ROBO2: variants seen among roughly 807,000 people sequenced by gnomAD.
ROBO2 encodes roundabout homolog 2.
ROBO2 carries 53 observed loss-of-function variants against 160.8 expected under a neutral mutation model. The ratio of observed to expected loss-of-function variants is 0.33; its 90% CI spans 0.26 to 0.41. The LOEUF is 0.41. Among genes scored for constraint, ROBO2 ranks in the 10% least tolerant of loss-of-function variants. The probability of loss-of-function intolerance (pLI) is 1.00; values close to 1 mark genes in which losing one functional copy is unlikely to be tolerated. For missense variants in ROBO2, 1,577 were observed against 1,722.4 expected (o/e 0.92, Z 1.49); for synonymous variants, 664 against 611.7 (o/e 1.09, Z -1.26).
intron 1 of ROBO2, among the ~76,000 whole-genome samples, chr3:77,070,215 C>T (rs73843468): frequency 0.014 from 2,068 of 152,212 alleles, 41 homozygotes; most frequent in African/African-American, 0.045. Flanking sequence ...ATTTGGACTT[C>T]GTAGCCTCCA....
intron 2 of ROBO2, among the ~76,000 whole-genome samples, chr3:76,247,752 A>C (rs529524571): frequency 4.9e-4 from 75 of 152,174 alleles, no homozygotes; most frequent in Non-Finnish European, 6.0e-4. Context: ...TCATCTGACA[A>C]AGGGCTAATA....
chr3:77,247,891 G>A (rs2089913541), intron 2 of ROBO2, among the ~76,000 whole-genome samples: 1 of 152,142 alleles, frequency 6.6e-6, no homozygotes, highest in African/African-American at 2.4e-5. Context: ...AAGACAGTGG[G>A]TCTCTGGCGA....
chr3:76,437,698 C>A (rs982654178), intron 2 of ROBO2, among the ~76,000 whole-genome samples: 5 of 152,098 alleles, frequency 3.3e-5, no homozygotes, highest in South Asian at 4.2e-4. Context: ...ATGTTTTTCA[C>A]TTTTGTTTAT....
intron 2 of ROBO2, among the ~76,000 whole-genome samples, chr3:76,177,400 G>C (rs1447835417): frequency 6.6e-6 from 1 of 152,144 alleles, no homozygotes; most frequent in African/African-American, 2.4e-5. Context: ...TCACTTGAAA[G>C]AATTCAATTC....
At chr3:76,360,060 T>C (rs1333661722) in intron 2 of ROBO2, among the ~76,000 whole-genome samples, 3 of 152,068 alleles carry the variant, frequency 2.0e-5, no homozygotes. Flanking sequence ...AGCGTAGTTC[T>C]CTATGAAGTT....
chr3:76,234,707 A>G (rs1704833637), intron 2 of ROBO2, among the ~76,000 whole-genome samples: 1 of 152,170 alleles, frequency 6.6e-6, no homozygotes, highest in Non-Finnish European at 1.5e-5. Flanking sequence ...TGGTCAGTCT[A>G]TTTCAAATTT....
intron 4 of ROBO2, among the ~76,000 whole-genome samples, chr3:77,492,590 C>T (rs1375773448): frequency 6.6e-6 from 1 of 151,488 alleles, no homozygotes; most frequent in Non-Finnish European, 1.5e-5. Context: ...TAAGAGAAGA[C>T]CATTGGAGAA....
intron 18 of ROBO2, among the ~76,000 whole-genome samples, chr3:77,595,701 ATTAGG>A (rs987189243): frequency 4.6e-5 from 7 of 152,186 alleles, no homozygotes; most frequent in Non-Finnish European, 1.0e-4. Flanking sequence ...GGAGATTGTA[ATTAGG>A]CTCTGGTAAT....
At chr3:76,749,456 C>A (rs1232909607) in intron 2 of ROBO2, among the ~76,000 whole-genome samples, 1 of 151,818 alleles carries the variant, frequency 6.6e-6, no homozygotes, top group Non-Finnish European at 1.5e-5. Flanking sequence ...TATCAGAGAG[C>A]TTTCCTTGCT....
intron 2 of ROBO2, among the ~76,000 whole-genome samples, chr3:76,501,184 G>T (rs948265895): frequency 6.6e-6 from 1 of 152,110 alleles, no homozygotes; most frequent in African/African-American, 2.4e-5. Context: ...ATTTTGGAGA[G>T]GGACATAAAT....
chr3:76,316,578 A>G (rs2072051273), intron 2 of ROBO2, among the ~76,000 whole-genome samples: 1 of 152,188 alleles, frequency 6.6e-6, no homozygotes, highest in Non-Finnish European at 1.5e-5. Context: ...CACATGTTTT[A>G]CAATCAATTT....
intron 2 of ROBO2, among the ~76,000 whole-genome samples, chr3:76,034,760 A>G (rs2067047146): frequency 6.6e-6 from 1 of 152,070 alleles, no homozygotes; most frequent in African/African-American, 2.4e-5. Context: ...AAAAAAGTGA[A>G]AATTCCTTCG....
At chr3:77,129,005 G>A (rs12497306) in intron 2 of ROBO2, among the ~76,000 whole-genome samples, 49,930 of 151,650 alleles carry the variant, frequency 0.33, 9,473 homozygotes, top group Middle Eastern at 0.48. Context: ...GAGGCTAAAA[G>A]CTGTTGCGTG....
Position 76,100,788 on chromosome 3 carries a change from C to T in ROBO2, c.109+163186C>T, listed in dbSNP as rs148880594. Among the ~76,000 whole-genome samples the T allele has an allele frequency of 4.4e-3, 675 of 152,172 alleles. 8 individuals carry two copies. Among genetic ancestry groups the T allele is most frequent in the African/African-American group, 0.015 (641 of 41,522 alleles). On this transcript the variant is annotated intron_variant, in intron 2 of 26. Transcript: ENST00000487694. ...GCAAATTGCTTTATGGTAACTCTAT[C>T]TCAGTAAGGAACACCGTACTTTCTG...
intron 2 of ROBO2, among the ~76,000 whole-genome samples, chr3:75,967,135 A>G (rs1165105591): frequency 6.6e-6 from 1 of 151,698 alleles, no homozygotes; most frequent in African/African-American, 2.4e-5. Flanking sequence ...GAGTACACCA[A>G]TATAACTATT....
chr3:77,207,675 C>T (rs963843306), intron 2 of ROBO2, among the ~76,000 whole-genome samples: 2 of 152,112 alleles, frequency 1.3e-5, no homozygotes, highest in African/African-American at 4.8e-5. Flanking sequence ...TGATGTGCAG[C>T]TCCCAAAATG....
chr3:76,683,847 T>C (rs1190583666), intron 2 of ROBO2, among the ~76,000 whole-genome samples: 1 of 152,114 alleles, frequency 6.6e-6, no homozygotes, highest in East Asian at 1.9e-4. Context: ...TCGAGTTTTA[T>C]TCCCGTTTGA....
intron 2 of ROBO2, among the ~76,000 whole-genome samples, chr3:76,602,320 A>G (rs984629906): frequency 2.6e-5 from 4 of 152,182 alleles, no homozygotes; most frequent in African/African-American, 7.2e-5. Context: ...ACCCAGTTCC[A>G]AAGTCGCTTC....
chr3:77,645,171 T>C (rs1200053752), intron 25 of ROBO2, among the ~76,000 whole-genome samples: 1 of 152,184 alleles, frequency 6.6e-6, no homozygotes, highest in African/African-American at 2.4e-5. Context: ...CACTTATACA[T>C]GAAATTAAAT....
Sources: gnomAD v4.1 joint callset for allele counts (sites outside exome capture counted in the v4.1 genomes callset) on GRCh38, gnomAD v4.1.1 for gene constraint, MANE v1.5 for transcripts, NCBI Gene and HGNC (gene_info 2026-07-23, HGNC 2026-07-21) for gene names.